MAGI1: variants seen among roughly 807,000 people sequenced by gnomAD.
The protein encoded by MAGI1 is membrane-associated guanylate kinase, WW and PDZ domain-containing protein 1.
A neutral mutation model predicts 139.9 loss-of-function variants in MAGI1; 58 were observed. The observed-to-expected ratio is 0.41, with a 90% CI of 0.34 to 0.52. MAGI1 has a LOEUF of 0.52. MAGI1 is among the 20% of genes least tolerant of loss of function. The probability of loss-of-function intolerance (pLI) is 0.12; values close to 1 mark genes in which losing one functional copy is unlikely to be tolerated. For synonymous variants in MAGI1, 812 were observed against 737.9 expected (o/e 1.10, Z -1.63); for missense variants, 1,874 against 1,901.6 (o/e 0.99, Z 0.27).
intron 1 of MAGI1, among the ~76,000 whole-genome samples, chr3:65,698,748 C>T (rs1214030917): frequency 3.4e-4 from 51 of 148,346 alleles, no homozygotes; most frequent in Non-Finnish European, 5.3e-4. Context: ...AAGACTTAAA[C>T]GTTAGACCTA....
At chr3:65,820,371 C>T (rs2041879380) in intron 1 of MAGI1, among the ~76,000 whole-genome samples, 1 of 152,198 alleles carries the variant, frequency 6.6e-6, no homozygotes, top group Non-Finnish European at 1.5e-5. Context: ...TACAGCCTAT[C>T]TGTGGTGATC....
chr3:65,810,760 A>C (rs759829641), intron 1 of MAGI1, among the ~76,000 whole-genome samples: 1 of 152,178 alleles, frequency 6.6e-6, no homozygotes, highest in Non-Finnish European at 1.5e-5. Context: ...CCCCAGGTCT[A>C]CTGACTTTCA....
At chr3:66,005,725 G>C (rs2066980462) in intron 1 of MAGI1, among the ~76,000 whole-genome samples, 1 of 152,106 alleles carries the variant, frequency 6.6e-6, no homozygotes, top group Non-Finnish European at 1.5e-5. Context: ...GACACAAAAA[G>C]GAATGGCAGC....
At chr3:65,452,639 C>T (rs1949100905) in intron 6 of MAGI1, 1 of 148,964 alleles carries the variant, frequency 6.7e-6, no homozygotes, top group Non-Finnish European at 1.5e-5. Flanking sequence ...TTGAAATGAA[C>T]TTTTTCAACA....
intron 1 of MAGI1, among the ~76,000 whole-genome samples, chr3:65,650,733 T>C (rs1233635685): frequency 1.3e-5 from 2 of 152,218 alleles, no homozygotes; most frequent in Admixed American, 6.5e-5. Context: ...TGGGAACCTA[T>C]TAGGAGTCCA....
chr3:66,019,005 C>T (rs1192693647), intron 1 of MAGI1, among the ~76,000 whole-genome samples: 1 of 152,160 alleles, frequency 6.6e-6, no homozygotes, highest in East Asian at 1.9e-4. Context: ...TTGATTGGTT[C>T]ATTCATTCAC....
rs1401927089 is a variant in MAGI1, at chr3:65,425,126, AAAAAAAC to A, written c.2167+4387_2167+4393del. Reference sequence around the variant, plus strand: ...GAACTTCTAAAAAAAAAAAAAAAAAAAAAAAACAAAAAAAAACACACATGCCTAAACA... The same window carrying A: ...GAACTTCTAAAAAAAAAAAAAAAAAAAAAAAAAAACACACATGCCTAAACA... On this transcript the variant is annotated intron_variant, in intron 12 of 22. Transcript: ENST00000402939. Among the ~76,000 whole-genome samples the A allele has an allele frequency of 2.4e-3, 169 of 69,228 alleles. 2 individuals carry two copies. The highest frequency in any genetic ancestry group is 4.7e-3 in the African/African-American group (61 of 12,884). 45.4% of individuals were successfully genotyped at this position (69,228 alleles called of 152,430 possible).
intron 1 of MAGI1, among the ~76,000 whole-genome samples, chr3:65,866,499 GACT>G (rs2059733978): frequency 6.6e-6 from 1 of 151,990 alleles, no homozygotes; most frequent in Non-Finnish European, 1.5e-5. Flanking sequence ...GGCCTTGAAC[GACT>G]ATTCATAATC....
intron 1 of MAGI1, among the ~76,000 whole-genome samples, chr3:65,850,678 A>G (rs2059170267): frequency 6.6e-6 from 1 of 152,202 alleles, no homozygotes; most frequent in African/African-American, 2.4e-5. Flanking sequence ...AAGACCAATA[A>G]GCAGTGCTTT....
At chr3:65,608,693 C>T (rs963072904) in intron 2 of MAGI1, among the ~76,000 whole-genome samples, 6 of 152,058 alleles carry the variant, frequency 3.9e-5, no homozygotes, top group African/African-American at 1.4e-4. Context: ...GGTGTGAGTG[C>T]AAATTGGTAT....
At chr3:65,840,943 A>G (rs929216364) in intron 1 of MAGI1, among the ~76,000 whole-genome samples, 1 of 152,200 alleles carries the variant, frequency 6.6e-6, no homozygotes, top group African/African-American at 2.4e-5. Flanking sequence ...GCCAAATTAC[A>G]AATTCAATTT....
chr3:65,705,506 G>C (rs1311206517), intron 1 of MAGI1, among the ~76,000 whole-genome samples: 1 of 152,198 alleles, frequency 6.6e-6, no homozygotes, highest in Non-Finnish European at 1.5e-5. Flanking sequence ...TGTACAAAAA[G>C]AAATTGTACA....
intron 8 of MAGI1, among the ~76,000 whole-genome samples, chr3:65,440,879 GTA>G: frequency 6.8e-6 from 1 of 147,670 alleles, no homozygotes; most frequent in African/African-American, 2.5e-5. Context: ...ACACATATAT[GTA>G]CATATATATG....
intron 1 of MAGI1, among the ~76,000 whole-genome samples, chr3:65,815,585 T>C (rs1277046612): frequency 2.0e-5 from 3 of 152,314 alleles, no homozygotes; most frequent in South Asian, 4.1e-4. Flanking sequence ...TCAAATCATA[T>C]AGTATTATCT....
intron 1 of MAGI1, among the ~76,000 whole-genome samples, chr3:65,851,300 T>C (rs1186975691): frequency 6.6e-6 from 1 of 152,194 alleles, no homozygotes; most frequent in Non-Finnish European, 1.5e-5. Context: ...CTCTGCATAT[T>C]AACAAGAACT....
At chr3:65,787,138 C>T (rs2039451053) in intron 1 of MAGI1, among the ~76,000 whole-genome samples, 1 of 152,072 alleles carries the variant, frequency 6.6e-6, no homozygotes, top group Admixed American at 6.5e-5. Context: ...CCAGAAGCCA[C>T]ATTCAGTTAC....
At position 65,461,987 on chromosome 3, in the gene MAGI1, ATTTG is replaced by A. The variant is rs1440183664; in HGVS notation, c.959+8292_959+8295del. Among the ~76,000 whole-genome samples, 4 of 152,022 alleles carry A rather than the reference ATTTG, an allele frequency of 2.6e-5. No individual in the cohort carries two copies. The East Asian group carries it at 7.8e-4, about 30-fold the overall frequency. On this transcript the variant is annotated intron_variant, in intron 5 of 22. Coordinates refer to ENST00000402939, the MANE Select transcript of MAGI1 (RefSeq NM_001033057.2). ...TGATAGGGTTGTTTTTTTCTTGTAA[ATTTG>A]TTTAAGTTCCTTGTAGATGCTGGAT...
chr3:65,653,319 G>A (rs145147277), intron 1 of MAGI1, among the ~76,000 whole-genome samples: 19 of 152,134 alleles, frequency 1.2e-4, no homozygotes, highest in African/African-American at 4.6e-4. Flanking sequence ...CTAATCAGTC[G>A]CTTACCTTCC....
intron 2 of MAGI1, among the ~76,000 whole-genome samples, chr3:65,574,538 T>C (rs1236941200): frequency 6.6e-6 from 1 of 151,710 alleles, no homozygotes; most frequent in African/African-American, 2.4e-5. Flanking sequence ...CACATATTCA[T>C]CTATATCTAG....
Sources: allele counts gnomAD v4.1 joint callset (sites outside exome capture counted in the v4.1 genomes callset), GRCh38; gene constraint gnomAD v4.1.1; transcripts MANE v1.5; gene names NCBI Gene and HGNC (gene_info 2026-07-23, HGNC 2026-07-21).